The following DPP10 variants were observed in gnomAD, a reference collection of about 807,000 sequenced individuals.
DPP10 encodes the protein dipeptidyl peptidase like 10.
A neutral mutation model predicts 120.9 loss-of-function variants in DPP10; 33 were observed. That is an observed-to-expected ratio of 0.27 (90% CI 0.21 to 0.37). The LOEUF (loss-of-function observed/expected upper bound fraction) is 0.37. DPP10 is among the 10% of genes least tolerant of loss of function. The pLI is 1.00. For missense variants in DPP10, 816 were observed against 942.8 expected (o/e 0.87, Z 1.76); for synonymous variants, 337 against 326.1 (o/e 1.03, Z -0.36).
chr2:114,711,814 T>C (rs1280436777), intron 1 of DPP10, among the ~76,000 whole-genome samples: 1 of 152,164 alleles, frequency 6.6e-6, no homozygotes, highest in Non-Finnish European at 1.5e-5. Context: ...TAGCAAGAAG[T>C]TATAATTTAA....
chr2:115,597,151 A>G (rs867467052), intron 5 of DPP10, among the ~76,000 whole-genome samples: 1 of 152,018 alleles, frequency 6.6e-6, no homozygotes, highest in Non-Finnish European at 1.5e-5. Context: ...ACAGGAGGAG[A>G]CAGTGCAATG....
intron 1 of DPP10, among the ~76,000 whole-genome samples, chr2:114,917,582 A>G (rs1328189283): frequency 6.6e-6 from 1 of 152,172 alleles, no homozygotes; most frequent in Admixed American, 6.5e-5. Flanking sequence ...AGTAAGCAAA[A>G]CAGCATGGTA....
At chr2:114,501,418 A>T (rs1255637880) in intron 1 of DPP10, among the ~76,000 whole-genome samples, 3 of 152,184 alleles carry the variant, frequency 2.0e-5, no homozygotes, top group African/African-American at 7.2e-5. Context: ...ATATATTTTT[A>T]AAAAATTAAA....
chr2:115,095,071 A>G (rs972558097), intron 1 of DPP10, among the ~76,000 whole-genome samples: 1 of 152,190 alleles, frequency 6.6e-6, no homozygotes, highest in African/African-American at 2.4e-5. Flanking sequence ...TTGGTCCTCC[A>G]TGATGCAAAT....
intron 12 of DPP10, among the ~76,000 whole-genome samples, chr2:115,764,029 G>A (rs1161129328): frequency 6.6e-6 from 1 of 152,014 alleles, no homozygotes; most frequent in Non-Finnish European, 1.5e-5. Context: ...TATGTAAGAA[G>A]TCACTTCCTC....
intron 1 of DPP10, among the ~76,000 whole-genome samples, chr2:115,254,242 T>A (rs2058875989): frequency 6.6e-6 from 1 of 152,126 alleles, no homozygotes; most frequent in Non-Finnish European, 1.5e-5. Flanking sequence ...GTTCTTCACA[T>A]GGAGGCAACA....
chr2:115,403,469 A>G (rs2068267842), intron 3 of DPP10, among the ~76,000 whole-genome samples: 1 of 134,734 alleles, frequency 7.4e-6, no homozygotes, highest in African/African-American at 2.9e-5. Context: ...GCATAATCTC[A>G]GCTTACTGCA....
intron 1 of DPP10, among the ~76,000 whole-genome samples, chr2:114,574,399 C>A (rs750210832): frequency 6.6e-6 from 1 of 152,122 alleles, no homozygotes; most frequent in African/African-American, 2.4e-5. Context: ...CCTAAAGACC[C>A]GTCATTATGA....
At chr2:115,093,539 G>A (rs1709457718) in intron 1 of DPP10, among the ~76,000 whole-genome samples, 2 of 151,936 alleles carry the variant, frequency 1.3e-5, no homozygotes, top group African/African-American at 4.8e-5. Context: ...ACCAAATCTG[G>A]AGACATAATA....
intron 1 of DPP10, among the ~76,000 whole-genome samples, chr2:115,096,932 C>T (rs189487916): frequency 9.2e-5 from 14 of 152,262 alleles, no homozygotes; most frequent in Non-Finnish European, 2.9e-5. Flanking sequence ...ACATCCATTT[C>T]AATCCTGATA....
chr2:115,521,425 G>A (rs773845311), intron 4 of DPP10, among the ~76,000 whole-genome samples: 2 of 152,222 alleles, frequency 1.3e-5, no homozygotes, highest in East Asian at 3.9e-4. Flanking sequence ...TCCTTCAGGA[G>A]CGATAACAAT....
chr2:114,604,228 C>T (rs1022063374), intron 1 of DPP10, among the ~76,000 whole-genome samples: 8 of 151,974 alleles, frequency 5.3e-5, no homozygotes, highest in South Asian at 2.1e-4. Context: ...AGGCAAGGCA[C>T]GAGGAGCCAT....
intron 1 of DPP10, among the ~76,000 whole-genome samples, chr2:114,739,153 C>T (rs2105977589): frequency 6.6e-6 from 1 of 152,216 alleles, no homozygotes; most frequent in Non-Finnish European, 1.5e-5. Flanking sequence ...ATGTTTTGTA[C>T]ATGTTAGGAA....
chr2:114,742,092 T>G (rs1678120555), intron 1 of DPP10, among the ~76,000 whole-genome samples: 1 of 152,158 alleles, frequency 6.6e-6, no homozygotes, highest in African/African-American at 2.4e-5. Flanking sequence ...CTGAGAAAAT[T>G]TTAACATTTT....
intron 1 of DPP10, among the ~76,000 whole-genome samples, chr2:114,948,456 A>G (rs932684131): frequency 2.6e-5 from 4 of 152,118 alleles, no homozygotes; most frequent in South Asian, 2.1e-4. Flanking sequence ...TTGTTGTCCT[A>G]TGGTTCATTG....
chr2:114,889,625 C>T (rs1418945388), intron 1 of DPP10, among the ~76,000 whole-genome samples: 2 of 151,804 alleles, frequency 1.3e-5, no homozygotes, highest in African/African-American at 2.4e-5. Flanking sequence ...TATTTTTTAT[C>T]CTCCTATAAA....
At chr2:115,394,856 T>A (rs2067569500) in intron 3 of DPP10, among the ~76,000 whole-genome samples, 2 of 152,328 alleles carry the variant, frequency 1.3e-5, no homozygotes, top group Admixed American at 1.3e-4. Context: ...ACATAGTTAC[T>A]GTGTTAGAAT....
intron 17 of DPP10, among the ~76,000 whole-genome samples, chr2:115,785,893 T>C (rs1235995873): frequency 1.3e-5 from 2 of 151,912 alleles, no homozygotes; most frequent in African/African-American, 4.8e-5. Context: ...CTTGTTTTTC[T>C]AGTTTCTCTG....
At chr2:115,591,100 G>A (rs1299791659) in intron 5 of DPP10, among the ~76,000 whole-genome samples, 1 of 152,130 alleles carries the variant, frequency 6.6e-6, no homozygotes, top group Non-Finnish European at 1.5e-5. Context: ...CTCCCATTCT[G>A]TAGGTTGCCT....
Sources: allele counts gnomAD v4.1 joint callset (sites outside exome capture counted in the v4.1 genomes callset), GRCh38; gene constraint gnomAD v4.1.1; transcripts MANE v1.5; gene names NCBI Gene and HGNC (gene_info 2026-07-23, HGNC 2026-07-21).